MICAL2: variants seen among roughly 807,000 people sequenced by gnomAD.
MICAL2 encodes [F-actin]-monooxygenase MICAL2.
In MICAL2, 77 loss-of-function variants were observed where a neutral mutation model predicts 127.3. The observed-to-expected ratio is 0.60, with a 90% CI of 0.50 to 0.73. MICAL2 has a LOEUF of 0.73. Among genes scored for constraint, MICAL2 ranks in the 30% least tolerant of loss-of-function variants. The probability of loss-of-function intolerance (pLI) is 0.00; values close to 1 mark genes in which losing one functional copy is unlikely to be tolerated. For missense variants in MICAL2, 1,351 were observed against 1,434.4 expected (o/e 0.94, Z 0.94); for synonymous variants, 570 against 551.1 (o/e 1.03, Z -0.48).
intron 8 of MICAL2, among the ~76,000 whole-genome samples, chr11:12,216,793 C>G (rs926995187): frequency 2.0e-5 from 3 of 152,222 alleles, no homozygotes; most frequent in African/African-American, 7.2e-5. Context: ...CATACCTCCT[C>G]CAGACTGTGG....
intron 1 of MICAL2, among the ~76,000 whole-genome samples, chr11:12,120,776 G>A (rs1327952301): frequency 6.6e-6 from 1 of 152,192 alleles, no homozygotes; most frequent in Admixed American, 6.5e-5. Flanking sequence ...GGCATGGAGA[G>A]CCCTGAGTTC....
chr11:12,348,863 C>A (rs572131561), intron 32 of MICAL2, among the ~76,000 whole-genome samples: 37 of 152,292 alleles, frequency 2.4e-4, no homozygotes, highest in African/African-American at 8.4e-4. Context: ...GCATATAAGG[C>A]ACATAGCCCA....
chr11:12,224,419 C>T (rs1257389473), intron 12 of MICAL2: 2 of 474,990 alleles, frequency 4.2e-6, no homozygotes, highest in Non-Finnish European at 7.6e-6. Flanking sequence ...GTTGGCAGGG[C>T]CTAAACACAG....
chr11:12,239,646 C>A, intron 17 of MICAL2, 61 bp downstream of exon 17: 1 of 1,573,728 alleles, frequency 6.4e-7, no homozygotes, highest in South Asian at 1.2e-5. Context: ...CAGGAATGTT[C>A]TGGCTGCTGA....
intron 26 of MICAL2, chr11:12,260,982 A>G: frequency 1.0e-6 from 1 of 985,462 alleles, no homozygotes; most frequent in Non-Finnish European, 1.2e-6. Context: ...AGTGCCAAAG[A>G]TGAGCTCTTT....
intron 32 of MICAL2, among the ~76,000 whole-genome samples, chr11:12,349,553 G>C (rs1201723743): frequency 4.6e-5 from 7 of 152,152 alleles, no homozygotes; most frequent in Non-Finnish European, 8.8e-5. Context: ...TAGGCAGGGG[G>C]AGGGTCGTTT....
intron 1 of MICAL2, among the ~76,000 whole-genome samples, chr11:12,128,307 A>G (rs922407836): frequency 1.3e-5 from 2 of 152,238 alleles, no homozygotes; most frequent in African/African-American, 4.8e-5. Context: ...TTGTTTATCA[A>G]GACTGCAACA....
intron 29 of MICAL2, chr11:12,303,522 GAC>G (rs1324067519): frequency 6.6e-6 from 1 of 152,166 alleles, no homozygotes; most frequent in African/African-American, 2.4e-5. Context: ...TCTGAACAGA[GAC>G]ATACTATATG....
intron 2 of MICAL2, chr11:12,286,799 C>T (rs997698286): frequency 1.3e-5 from 3 of 225,778 alleles, no homozygotes; most frequent in Admixed American, 5.8e-5. Flanking sequence ...CATTTGAGCC[C>T]GAGAGGTCGA....
chr11:12,290,475 G>T (rs775127906), downstream of MICAL2, among the ~76,000 whole-genome samples: 7 of 152,182 alleles, frequency 4.6e-5, no homozygotes, highest in Non-Finnish European at 8.8e-5. Flanking sequence ...TCAGAAGATG[G>T]CAGAGAGGGA....
At chr11:12,162,458 T>C in intron 3 of MICAL2, 39 bp downstream of exon 3, 1 of 1,607,220 alleles carries the variant, frequency 6.2e-7, no homozygotes, top group Non-Finnish European at 8.5e-7. Context: ...TTGCAGGGCG[T>C]GTGGGTTGAC....
intron 6 of MICAL2, among the ~76,000 whole-genome samples, chr11:12,212,998 G>T (rs1855691118): frequency 6.6e-6 from 1 of 152,184 alleles, no homozygotes; most frequent in Non-Finnish European, 1.5e-5. Context: ...GTGACTGCCT[G>T]TTGGGAAGGA....
rs149443589 is a variant in MICAL2 at position 12,259,858 on chromosome 11, G to A, written c.3295G>A (p.Ala1099Thr). 39 of 1,608,722 alleles carry A rather than the reference G, an allele frequency of 2.4e-5. No individual in the cohort carries two copies. The highest frequency in any genetic ancestry group is 9.4e-5 in the African/African-American group (7 of 74,800). Residue 1099 changes from alanine (A) to threonine (T), a missense_variant, in exon 26 of 28, where the codon GCA (alanine) becomes ACA (threonine). By Grantham distance (58) the Ala-to-Thr change is moderately conservative. Around this residue, in one of 2 missense-constraint regions of MICAL2, gnomAD observed 752 missense variants for 719.4 expected, o/e 1.05. Coordinates refer to ENST00000683283, the MANE Select transcript of MICAL2 (RefSeq NM_001282663.2). ...AGACACTCCCACCGAAAGTTCTTGC[G>A]CAGTGGCCGCCATTGGCACCCTGGA... is the stretch of plus-strand genomic sequence containing the variant. ...RRDTPTESSC[A>T]VAAIGTLEGS...
downstream of MICAL2, among the ~76,000 whole-genome samples, chr11:12,289,823 C>T (rs1399418120): frequency 6.6e-6 from 1 of 152,156 alleles, no homozygotes; most frequent in African/African-American, 2.4e-5. Context: ...TCCACCTCGG[C>T]CTCCAAAAGT....
At chr11:12,134,877 C>G (rs1851714662) in intron 1 of MICAL2, among the ~76,000 whole-genome samples, 1 of 152,128 alleles carries the variant, frequency 6.6e-6, no homozygotes, top group East Asian at 1.9e-4. Context: ...CGAGGAGGCT[C>G]AAAGATTCAA....
chr11:12,280,135 T>C (rs967208728), intron 1 of MICAL2, among the ~76,000 whole-genome samples: 1 of 152,202 alleles, frequency 6.6e-6, no homozygotes, highest in Admixed American at 6.5e-5. Flanking sequence ...TTAAGGCCCA[T>C]GTTAAATACC....
At chr11:12,352,944 C>G (rs1422189879) in intron 33 of MICAL2, among the ~76,000 whole-genome samples, 1 of 152,208 alleles carries the variant, frequency 6.6e-6, no homozygotes. Flanking sequence ...AGCACCTCCT[C>G]TCTGCCCAGT....
chr11:12,151,831 C>T (rs1316746629), intron 2 of MICAL2, among the ~76,000 whole-genome samples: 3 of 152,156 alleles, frequency 2.0e-5, no homozygotes, highest in South Asian at 4.1e-4. Context: ...GAGGAAGGAG[C>T]GGTCCAGCTG....
At chr11:12,359,092 T>C (rs1475332026), downstream of MICAL2, 2 of 152,554 alleles carry the variant, frequency 1.3e-5, no homozygotes, top group South Asian at 2.1e-4. Flanking sequence ...TAATATAATA[T>C]ACATAAGCAA....
Sources: allele counts gnomAD v4.1 joint callset (sites outside exome capture counted in the v4.1 genomes callset), GRCh38; gene constraint gnomAD v4.1.1; regional missense constraint gnomAD v4.1.1; transcripts MANE v1.5; gene names NCBI Gene and HGNC (gene_info 2026-07-23, HGNC 2026-07-21).